The following KLHL13 variants were observed in gnomAD, a reference collection of about 807,000 sequenced individuals.
KLHL13 encodes kelch like family member 13, also known as kelch-like protein 13.
In KLHL13, 10 loss-of-function variants were observed where a neutral mutation model predicts 37.1. The observed-to-expected ratio is 0.27, with a 90% CI of 0.17 to 0.46. The LOEUF (loss-of-function observed/expected upper bound fraction) is 0.46, where lower values mean the gene tolerates loss of function less well. Ranked by LOEUF, KLHL13 falls within the 20% of genes least tolerant of loss-of-function variation. The pLI is 1.00. For missense variants in KLHL13, 360 were observed against 509.3 expected, an observed-to-expected ratio of 0.71 and a Z score of 2.82; for synonymous variants, 163 against 181.2, an observed-to-expected ratio of 0.90 and a Z score of 0.81.
chrX:118,115,361 A>G (rs1230230961), intron 1 of KLHL13, among the ~76,000 whole-genome samples: 1 of 112,751 alleles, frequency 8.9e-6, no homozygotes, highest in African/African-American at 3.2e-5. Flanking sequence ...AGCTAACACC[A>G]CAACTACATG....
Position 117,940,352 on chromosome X carries a change from G to C in KLHL13, c.240+5082C>G, listed in dbSNP as rs976255721. On this transcript the variant is annotated intron_variant, in intron 2 of 6. Transcript: ENST00000262820. The stretch of plus-strand genomic sequence containing the variant: ...CTGTTTTGGTTACTGTAGCCTTGTA[G>C]TATAGTTTGAAGTCAGGTAGTGGGA... Among the ~76,000 whole-genome samples, 3 of 111,556 alleles carry C rather than the reference G, an allele frequency of 2.7e-5. 1 individual carries two copies. The highest frequency in any genetic ancestry group is 9.8e-5 in the African/African-American group (3 of 30,704).
At chrX:118,110,519 C>T (rs1461137622) in intron 1 of KLHL13, among the ~76,000 whole-genome samples, 15 of 109,202 alleles carry the variant, frequency 1.4e-4, no homozygotes, top group African/African-American at 5.0e-4. Flanking sequence ...GCTGGGATTA[C>T]AGGCACATGT....
chrX:117,936,686 G>A (rs1932770652), intron 2 of KLHL13, among the ~76,000 whole-genome samples: 1 of 110,547 alleles, frequency 9.0e-6, no homozygotes, highest in Non-Finnish European at 1.9e-5. Flanking sequence ...AGTCTGAGAG[G>A]AACCACATCC....
intron 2 of KLHL13, among the ~76,000 whole-genome samples, chrX:117,937,943 T>C (rs1267200798): frequency 1.8e-5 from 2 of 111,944 alleles, no homozygotes; most frequent in Non-Finnish European, 3.8e-5. Context: ...CTACTTTACG[T>C]CTATATAGAT....
At chrX:118,047,553 A>G (rs767504203) in intron 1 of KLHL13, among the ~76,000 whole-genome samples, 5 of 112,360 alleles carry the variant, frequency 4.4e-5, no homozygotes, top group African/African-American at 1.6e-4. Context: ...TTGGTGTGAA[A>G]GCTATTGCAG....
chrX:118,096,386 T>C (rs185763638), intron 1 of KLHL13, among the ~76,000 whole-genome samples: 4 of 111,479 alleles, frequency 3.6e-5, no homozygotes, highest in Non-Finnish European at 7.5e-5. Context: ...CAGGAAGAAG[T>C]TGAATCTCTG....
chrX:118,111,162 G>A (rs1048577168), intron 1 of KLHL13, among the ~76,000 whole-genome samples: 3 of 112,540 alleles, frequency 2.7e-5, no homozygotes, highest in African/African-American at 6.5e-5. Flanking sequence ...CAATCTCATC[G>A]AAAAATCTTG....
chrX:118,113,363 A>G (rs1416495747), intron 1 of KLHL13, among the ~76,000 whole-genome samples: 1 of 112,051 alleles, frequency 8.9e-6, no homozygotes, highest in East Asian at 2.8e-4. Context: ...CTTCCCCAGG[A>G]AAGACTCTTC....
chrX:117,909,215 G>T, intron 5 of KLHL13, 86 bp downstream of exon 6: 2 of 800,874 alleles, frequency 2.5e-6, no homozygotes, highest in South Asian at 3.1e-5. Context: ...ATTTTTATCT[G>T]ATTTTACAGG....
intron 1 of KLHL13, among the ~76,000 whole-genome samples, chrX:117,962,899 A>G (rs2053328288): frequency 8.9e-6 from 1 of 111,985 alleles, no homozygotes; most frequent in Admixed American, 9.5e-5. Context: ...AAATAGTGAG[A>G]GGATGTACAC....
intron 1 of KLHL13, among the ~76,000 whole-genome samples, chrX:117,980,825 A>C (rs1373495994): frequency 9.0e-6 from 1 of 111,612 alleles, no homozygotes; most frequent in Non-Finnish European, 1.9e-5. Context: ...AAAATCTTAC[A>C]CTTCAAAAAA....
chrX:117,942,467 C>T lies in KLHL13; in HGVS notation c.240+2967G>A, dbSNP rs191665582. On this transcript the variant is annotated intron_variant, in intron 2 of 6. Coordinates refer to ENST00000262820, the Ensembl canonical transcript of KLHL13. ...ACTCTTATTGTGTGGGAGTCTAAGT[C>T]TCTTTGTAGATCTCTACGAACTTGC... 4.0e-3 allele frequency among the ~76,000 whole-genome samples: 447 copies of T among 111,320 alleles called. 3 individuals are homozygous for T. The highest frequency in any genetic ancestry group is 5.6e-3 in the Non-Finnish European group (295 of 53,013).
chrX:117,936,775 T>C (rs1312805315), intron 2 of KLHL13, among the ~76,000 whole-genome samples: 1 of 111,563 alleles, frequency 9.0e-6, no homozygotes, highest in Non-Finnish European at 1.9e-5. Context: ...TGATCAGCTC[T>C]ATTCCCTGTG....
chrX:117,922,459 G>GAACA (rs901417015), intron 2 of KLHL13, among the ~76,000 whole-genome samples: 16 of 111,632 alleles, frequency 1.4e-4, no homozygotes, highest in African/African-American at 4.9e-4. Flanking sequence ...ATTAACGCAT[G>GAACA]AACAAACAAA....
At chrX:117,982,831 C>A (rs918409741) in intron 1 of KLHL13, among the ~76,000 whole-genome samples, 22 of 111,407 alleles carry the variant, frequency 2.0e-4, no homozygotes, top group African/African-American at 6.9e-4. Flanking sequence ...CAGTCCCTGG[C>A]CTGCCTTAGC....
chrX:117,949,335 G>T (rs901629452), intron 1 of KLHL13, among the ~76,000 whole-genome samples: 13 of 111,192 alleles, frequency 1.2e-4, no homozygotes, highest in African/African-American at 4.2e-4. Flanking sequence ...TTTTTTAATA[G>T]CAAGCAACAT....
In KLHL13 at chrX:118,088,747, G is replaced by A. The variant is rs765837771; in HGVS notation, c.-56+27761C>T. Among the ~76,000 whole-genome samples, 20 of 111,660 alleles carry A rather than the reference G, an allele frequency of 1.8e-4. No individual in the cohort carries two copies. In the South Asian group the frequency reaches 7.2e-3, roughly 40 times the overall value. On this transcript the variant is annotated intron_variant, in intron 1 of 6. Transcript: ENST00000371882. ...GCCAAAATAAGTCAAACTTCCTCTG[G>A]AAAGATGAGGTAGATGCATTTTTTT...
chrX:118,012,628 CAGTGTCAT>C (rs1413081542), intron 1 of KLHL13, among the ~76,000 whole-genome samples: 2 of 87,035 alleles, frequency 2.3e-5, no homozygotes, highest in African/African-American at 4.4e-5. Context: ...TTGCCATGAA[CAGTGTCAT>C]AGTCACAGGT....
At chrX:118,105,788 C>T (rs2055339151) in intron 1 of KLHL13, among the ~76,000 whole-genome samples, 1 of 109,668 alleles carries the variant, frequency 9.1e-6, no homozygotes, top group Non-Finnish European at 1.9e-5. Flanking sequence ...GAATCCAAAA[C>T]TCATTTTGAT....
Sources: allele counts gnomAD v4.1 joint callset (sites outside exome capture counted in the v4.1 genomes callset), GRCh38; gene constraint gnomAD v4.1.1; transcripts MANE v1.5; gene names NCBI Gene and HGNC (gene_info 2026-07-23, HGNC 2026-07-21).